PTPRM: variants seen among roughly 807,000 people sequenced by gnomAD.
PTPRM encodes protein tyrosine phosphatase receptor type M.
A neutral mutation model predicts 186.7 loss-of-function variants in PTPRM; 47 were observed. The observed-to-expected ratio is 0.25, with a 90% CI of 0.20 to 0.32. The LOEUF (loss-of-function observed/expected upper bound fraction) is 0.32. PTPRM is among the 10% of genes least tolerant of loss of function. PTPRM has a pLI of 1.00. For missense variants in PTPRM, 1,494 were observed against 1,865.0 expected (o/e 0.80, Z 3.66); for synonymous variants, 668 against 674.9 (o/e 0.99, Z 0.16).
intron 1 of PTPRM, among the ~76,000 whole-genome samples, chr18:7,624,381 T>A (rs1598557753): frequency 6.6e-6 from 1 of 152,198 alleles, no homozygotes; most frequent in Non-Finnish European, 1.5e-5. Flanking sequence ...TCTACTGAAC[T>A]ATGAGGATGG....
Position 8,309,494 on chromosome 18 carries a change from T to C in PTPRM, c.2843-5287T>C, listed in dbSNP as rs77871584. 4.3e-3 allele frequency among the ~76,000 whole-genome samples: 660 copies of C among 152,262 alleles called. 3 individuals carry two copies. The highest frequency in any genetic ancestry group is 0.015 in the African/African-American group (637 of 41,554). ...TGCACACAGGAGGTGAAGATGAATA[T>C]AAGACACAGCTCCTCTTAAATAGTT... On this transcript the variant is annotated intron_variant, in intron 20 of 32. Coordinates refer to ENST00000580170, the MANE Select transcript of PTPRM (RefSeq NM_001105244.2).
chr18:8,063,890 A>G (rs2088833787), intron 7 of PTPRM, among the ~76,000 whole-genome samples: 1 of 152,204 alleles, frequency 6.6e-6, no homozygotes, highest in Admixed American at 6.5e-5. Flanking sequence ...AGAACTAAGC[A>G]AAGCATTTGG....
intron 1 of PTPRM, among the ~76,000 whole-genome samples, chr18:7,709,658 G>C (rs2040170126): frequency 6.6e-6 from 1 of 152,066 alleles, no homozygotes; most frequent in African/African-American, 2.4e-5. Flanking sequence ...TATATCATTA[G>C]CGAGATTAAC....
In PTPRM at chr18:8,384,540, GT is replaced by G. The variant is rs751000204; in HGVS notation, c.3919-18del. 4.7e-5 allele frequency: 76 copies of G among 1,613,628 alleles called. No individual in the cohort carries two copies. The highest frequency in any genetic ancestry group is 3.3e-4 in the Middle Eastern group (2 of 6,048). The stretch of plus-strand genomic sequence containing the variant: ...AATTTCCTCTTATAACTAACCTTGT[GT>G]TTATATGTTTTGAATTCAGTTGTGT... On this transcript the variant is annotated intron_variant, in intron 29 of 32. Coordinates refer to ENST00000580170, the MANE Select transcript of PTPRM (RefSeq NM_001105244.2).
intron 7 of PTPRM, among the ~76,000 whole-genome samples, chr18:7,983,248 C>T (rs1311491283): frequency 6.6e-6 from 1 of 151,964 alleles, no homozygotes; most frequent in Admixed American, 6.6e-5. Context: ...GAGTGCAAAC[C>T]CTATTATGAA....
At chr18:7,654,815 G>T (rs905332372) in intron 1 of PTPRM, among the ~76,000 whole-genome samples, 5 of 152,132 alleles carry the variant, frequency 3.3e-5, no homozygotes, top group Admixed American at 1.3e-4. Flanking sequence ...ATATGTGTCT[G>T]GTTTTGTACC....
At chr18:7,686,003 G>A (rs2039593785) in intron 1 of PTPRM, among the ~76,000 whole-genome samples, 1 of 152,118 alleles carries the variant, frequency 6.6e-6, no homozygotes, top group East Asian at 1.9e-4. Flanking sequence ...CCAGAAAACT[G>A]GGCTCAGAAT....
intron 1 of PTPRM, among the ~76,000 whole-genome samples, chr18:7,770,745 GTTCT>G (rs1219897082): frequency 6.6e-6 from 1 of 152,150 alleles, no homozygotes; most frequent in Non-Finnish European, 1.5e-5. Flanking sequence ...AAGCTTAGTT[GTTCT>G]TTCTTTACTT....
chr18:8,394,685 C>A, intron 32 of PTPRM, 74 bp downstream of exon 32: 1 of 1,423,878 alleles, frequency 7.0e-7, no homozygotes, highest in South Asian at 1.5e-5. Flanking sequence ...CCCAGATTTG[C>A]AGGGAAACTG....
chr18:8,250,215 A>G lies in PTPRM; in HGVS notation c.2554+2039A>G, dbSNP rs1219909713. 3.9e-5 allele frequency among the ~76,000 whole-genome samples: 6 copies of G among 152,130 alleles called. No individual in the cohort carries two copies. The East Asian group carries it at 9.7e-4, about 24-fold the overall frequency. ...TATATCTTTACTTCATTTGCTTGCA[A>G]AAATGTAGATGATTAAATGGATGGT... On this transcript the variant is annotated intron_variant, in intron 17 of 32. Transcript: ENST00000580170.
chr18:8,178,137 G>A (rs904141567), intron 14 of PTPRM, among the ~76,000 whole-genome samples: 24 of 152,286 alleles, frequency 1.6e-4, no homozygotes, highest in East Asian at 1.2e-3. Context: ...GTTGCTAGCC[G>A]ATTCTAGTAT....
chr18:7,779,313 T>C (rs1264397672), intron 2 of PTPRM, among the ~76,000 whole-genome samples: 1 of 152,206 alleles, frequency 6.6e-6, no homozygotes, highest in Non-Finnish European at 1.5e-5. Flanking sequence ...CTCATTTAGC[T>C]TTCCATGTCT....
chr18:8,243,828 T>A (rs2094453660), intron 14 of PTPRM, among the ~76,000 whole-genome samples: 1 of 152,166 alleles, frequency 6.6e-6, no homozygotes, highest in Non-Finnish European at 1.5e-5. Context: ...TTTCTGGTTG[T>A]TTGGGGTTTT....
At chr18:8,235,250 A>C (rs1216158654) in intron 14 of PTPRM, among the ~76,000 whole-genome samples, 3 of 152,100 alleles carry the variant, frequency 2.0e-5, no homozygotes, top group Admixed American at 6.6e-5. Context: ...TCAATTTTTT[A>C]ATAGCTATAG....
At chr18:8,380,803 G>A (rs1338366533) in intron 29 of PTPRM, among the ~76,000 whole-genome samples, 3 of 152,136 alleles carry the variant, frequency 2.0e-5, no homozygotes, top group Non-Finnish European at 4.4e-5. Context: ...AGAGGACAGT[G>A]GAGAAGGGAA....
intron 22 of PTPRM, among the ~76,000 whole-genome samples, chr18:8,329,287 T>C (rs1178263851): frequency 1.3e-5 from 2 of 152,234 alleles, no homozygotes; most frequent in African/African-American, 4.8e-5. Context: ...AAAGCAGAAC[T>C]ATATTTAAGT....
At chr18:7,817,279 T>C (rs2145564665) in intron 2 of PTPRM, among the ~76,000 whole-genome samples, 1 of 152,292 alleles carries the variant, frequency 6.6e-6, no homozygotes, top group Admixed American at 6.5e-5. Flanking sequence ...CCAGCCTTTT[T>C]CTAGTTAGTT....
chr18:8,054,420 T>A (rs2148296165), intron 7 of PTPRM, among the ~76,000 whole-genome samples: 1 of 150,938 alleles, frequency 6.6e-6, no homozygotes, highest in South Asian at 2.1e-4. Context: ...GCCTTTTTTC[T>A]TTTCTTTTGT....
chr18:8,383,167 G>A (rs914468667), intron 29 of PTPRM, among the ~76,000 whole-genome samples: 11 of 151,522 alleles, frequency 7.3e-5, no homozygotes, highest in East Asian at 3.9e-4. Context: ...GCGTGGTGGC[G>A]CATGCCTGTA....
Sources: gnomAD v4.1 joint callset for allele counts (sites outside exome capture counted in the v4.1 genomes callset) on GRCh38, gnomAD v4.1.1 for gene constraint, MANE v1.5 for transcripts, NCBI Gene and HGNC (gene_info 2026-07-23, HGNC 2026-07-21) for gene names.